The following PPM1E variants were observed in gnomAD, a reference collection of about 807,000 sequenced individuals.
PPM1E encodes protein phosphatase 1E.
In PPM1E, 20 loss-of-function variants were observed where a neutral mutation model predicts 65.9. That is an observed-to-expected ratio of 0.30 (90% CI 0.21 to 0.44). The LOEUF (loss-of-function observed/expected upper bound fraction) is 0.44, where lower values mean the gene tolerates loss of function less well. Among genes scored for constraint, PPM1E ranks in the 20% least tolerant of loss-of-function variants. The pLI, the probability that PPM1E is intolerant of heterozygous loss-of-function variation, is 1.00. For synonymous variants in PPM1E, 352 were observed against 374.9 expected (o/e 0.94, Z 0.70); for missense variants, 713 against 953.1 (o/e 0.75, Z 3.32).
At chr17:58,939,484 G>A (rs372563592) in intron 1 of PPM1E, among the ~76,000 whole-genome samples, 2 of 152,224 alleles carry the variant, frequency 1.3e-5, no homozygotes, top group East Asian at 1.9e-4. Context: ...AATTTATGAA[G>A]TTTAAGTAGA....
chr17:58,909,885 A>ATTT (rs1437574792), intron 1 of PPM1E, among the ~76,000 whole-genome samples: 2 of 108,430 alleles, frequency 1.8e-5, no homozygotes, highest in Non-Finnish European at 4.1e-5. Context: ...ATTCTTAGTC[A>ATTT]TTTTTCTTTC....
At chr17:58,953,889 A>G (rs1380873452) in intron 1 of PPM1E, among the ~76,000 whole-genome samples, 4 of 152,140 alleles carry the variant, frequency 2.6e-5, no homozygotes, top group Admixed American at 2.6e-4. Context: ...CTGGGATTAC[A>G]GGCGTGTACC....
intron 1 of PPM1E, among the ~76,000 whole-genome samples, chr17:58,877,526 A>T (rs2010548300): frequency 6.6e-6 from 1 of 152,196 alleles, no homozygotes; most frequent in African/African-American, 2.4e-5. Context: ...TTGTTTTAAA[A>T]TGTATTTTAG....
intron 1 of PPM1E, among the ~76,000 whole-genome samples, chr17:58,828,995 A>AT (rs2050571146): frequency 6.6e-6 from 1 of 152,060 alleles, no homozygotes; most frequent in Non-Finnish European, 1.5e-5. Context: ...AATTATGTAT[A>AT]TATTGTTTAC....
intron 1 of PPM1E, among the ~76,000 whole-genome samples, chr17:58,951,811 A>G (rs1328021048): frequency 1.3e-5 from 2 of 152,208 alleles, no homozygotes; most frequent in African/African-American, 4.8e-5. Context: ...AATTTTTAAG[A>G]AAAGATTATT....
In PPM1E at chr17:58,982,950, G is replaced by C. The variant is rs775139925; in HGVS notation, c.*1919G>C. 20 of 1,565,336 alleles carry C rather than the reference G, an allele frequency of 1.3e-5. No homozygotes were observed. Among genetic ancestry groups the C allele is most frequent in the Non-Finnish European group, 1.7e-5 (20 of 1,152,792 alleles). On this transcript the variant is annotated 3_prime_UTR_variant, in exon 7 of 7. Transcript: ENST00000308249. ...AGAAAACAAGAAAACAAAGGCAGCA[G>C]ACTATTGGTACACATTATAGTCCAA... is the stretch of plus-strand genomic sequence containing the variant.
At chr17:58,918,068 A>G (rs2051705625) in intron 1 of PPM1E, among the ~76,000 whole-genome samples, 5 of 152,118 alleles carry the variant, frequency 3.3e-5, no homozygotes, top group Admixed American at 2.6e-4. Context: ...TACTTCCCCC[A>G]TCAGCATTCC....
intron 1 of PPM1E, among the ~76,000 whole-genome samples, chr17:58,948,340 C>A (rs1278186329): frequency 6.6e-6 from 1 of 152,068 alleles, no homozygotes; most frequent in Non-Finnish European, 1.5e-5. Context: ...TGCACTCACC[C>A]AACATCCCCT....
At position 58,756,351 on chromosome 17, in the gene PPM1E, G is replaced by A. The variant is rs202007499; in HGVS notation, c.354G>A (p.Pro118=). The A allele has an allele frequency of 5.9e-5, 81 of 1,378,350 alleles. No homozygotes were observed. The East Asian group carries it at 1.8e-3, about 31-fold the overall frequency. The allele number at this position is 1,378,350 out of a possible 1,614,324, so 85.4% of individuals were successfully genotyped here. ...APGHSAVPPP[P]PQLPPLPPLP... is the part of the protein sequence containing the mutation. ...GGCACTCGGCCGTGCCGCCGCCGCC[G>A]CCCCAGCTGCCGCCTTTGCCCCCGC... Residue 118 remains proline (P), a synonymous_variant, in exon 1 of 7, where the codon CCG becomes CCA. Coordinates refer to ENST00000308249, the MANE Select transcript of PPM1E (RefSeq NM_014906.5).
chr17:58,863,163 G>A (rs1018039778), intron 1 of PPM1E, among the ~76,000 whole-genome samples: 18 of 152,318 alleles, frequency 1.2e-4, no homozygotes, highest in African/African-American at 4.1e-4. Flanking sequence ...GATCAGAAGA[G>A]GTTAAAAATC....
chr17:58,911,440 A>T (rs12944971), intron 1 of PPM1E, among the ~76,000 whole-genome samples: 24,547 of 152,076 alleles, frequency 0.16, 2,413 homozygotes, highest in Non-Finnish European at 0.21. Context: ...GGCCATACTA[A>T]AGATTGGAGT....
chr17:58,870,855 A>G (rs1486556476), intron 1 of PPM1E, among the ~76,000 whole-genome samples: 1 of 152,040 alleles, frequency 6.6e-6, no homozygotes, highest in Non-Finnish European at 1.5e-5. Flanking sequence ...CAGACTTTAG[A>G]TTTTCCTCTT....
intron 1 of PPM1E, among the ~76,000 whole-genome samples, chr17:58,937,968 C>T (rs543929321): frequency 3.3e-5 from 5 of 151,562 alleles, no homozygotes; most frequent in Non-Finnish European, 5.9e-5. Flanking sequence ...AATGGATTCA[C>T]TGCAAGGATT....
chr17:58,778,927 C>CATACAT (rs964133373), intron 1 of PPM1E, among the ~76,000 whole-genome samples: 11 of 103,708 alleles, frequency 1.1e-4, no homozygotes, highest in Admixed American at 6.9e-4. Context: ...ATGATACATA[C>CATACAT]ATATATATAT....
At chr17:58,898,087 T>C (rs893148207) in intron 1 of PPM1E, among the ~76,000 whole-genome samples, 4 of 151,740 alleles carry the variant, frequency 2.6e-5, no homozygotes, top group African/African-American at 9.7e-5. Flanking sequence ...CCGTCTCTAC[T>C]AAAAAAATAA....
chr17:58,776,281 C>T (rs972212106), intron 1 of PPM1E, among the ~76,000 whole-genome samples: 1 of 152,062 alleles, frequency 6.6e-6, no homozygotes, highest in African/African-American at 2.4e-5. Flanking sequence ...GAGCCATGAT[C>T]GCACCACTGC....
chr17:58,878,134 A>T (rs1487467394), intron 1 of PPM1E, among the ~76,000 whole-genome samples: 2 of 152,352 alleles, frequency 1.3e-5, no homozygotes, highest in African/African-American at 4.8e-5. Context: ...TGTATTTGTT[A>T]TGATAAATGT....
At chr17:58,898,841 C>T (rs1188597743) in intron 1 of PPM1E, among the ~76,000 whole-genome samples, 2 of 152,038 alleles carry the variant, frequency 1.3e-5, no homozygotes, top group African/African-American at 4.8e-5. Flanking sequence ...AAAAAGGATG[C>T]GTTCATGTCC....
chr17:58,816,877 C>T (rs1156988802), intron 1 of PPM1E, among the ~76,000 whole-genome samples: 2 of 148,144 alleles, frequency 1.4e-5, no homozygotes, highest in Non-Finnish European at 1.5e-5. Context: ...CTCACCGCAA[C>T]CTCCACCTCC....
Sources: gnomAD v4.1 joint callset for allele counts (sites outside exome capture counted in the v4.1 genomes callset) on GRCh38, gnomAD v4.1.1 for gene constraint, MANE v1.5 for transcripts, NCBI Gene and HGNC (gene_info 2026-07-23, HGNC 2026-07-21) for gene names.